The following FRMPD1 variants were observed in gnomAD, a reference collection of about 807,000 sequenced individuals.
The protein encoded by FRMPD1 is FERM and PDZ domain containing 1.
FRMPD1 carries 76 observed loss-of-function variants against 117.8 expected under a neutral mutation model. That is an observed-to-expected ratio of 0.65 (90% CI 0.54 to 0.78). The LOEUF is 0.78. Ranked by LOEUF, FRMPD1 falls within the 30% of genes least tolerant of loss-of-function variation. The pLI, the probability that FRMPD1 is intolerant of heterozygous loss-of-function variation, is 0.00. For missense variants in FRMPD1, 1,786 were observed against 1,964.5 expected (o/e 0.91, Z 1.72); for synonymous variants, 783 against 770.4 (o/e 1.02, Z -0.27).
chr9:37,708,538 A>G, intron 4 of FRMPD1, 37 bp downstream of exon 4: 2 of 1,164,628 alleles, frequency 1.7e-6, no homozygotes, highest in East Asian at 4.7e-5. Flanking sequence ...AGAATTGCAC[A>G]GATTATCAAA....
At chr9:37,709,855 A>G (rs1441567324) in intron 4 of FRMPD1, among the ~76,000 whole-genome samples, 1 of 152,208 alleles carries the variant, frequency 6.6e-6, no homozygotes, top group Non-Finnish European at 1.5e-5. Context: ...GAATGCCAGC[A>G]CAGCATGTTT....
At chr9:37,702,123 G>A (rs544116569) in intron 2 of FRMPD1, among the ~76,000 whole-genome samples, 2 of 152,272 alleles carry the variant, frequency 1.3e-5, no homozygotes, top group East Asian at 3.9e-4. Context: ...CAAACATAAA[G>A]GAAAATGACA....
At chr9:37,714,620 ATTTTG>A (rs145956121) in intron 5 of FRMPD1, among the ~76,000 whole-genome samples, 89,741 of 132,456 alleles carry the variant, frequency 0.68, 29,484 homozygotes, top group Admixed American at 0.73. Context: ...ATTTTATTTT[ATTTTG>A]TTTTGTTTTA....
intron 6 of FRMPD1, 128 bp from the exon 7 acceptor site, chr9:37,724,097 C>A: frequency 8.1e-5 from 37 of 458,718 alleles, no homozygotes; most frequent in East Asian, 1.0e-4. Flanking sequence ...GTCGCTTGAA[C>A]CTGGGAGTCA....
intron 1 of FRMPD1, among the ~76,000 whole-genome samples, chr9:37,651,565 C>G (rs1820676696): frequency 6.6e-6 from 1 of 152,250 alleles, no homozygotes; most frequent in Non-Finnish European, 1.5e-5. Flanking sequence ...TGTCTCAGCT[C>G]CAGAACTCAT....
chr9:37,611,406 C>T, the FRMPD1 span, among the ~76,000 whole-genome samples: 2 of 152,138 alleles, frequency 1.3e-5, no homozygotes, highest in Non-Finnish European at 2.9e-5. Flanking sequence ...AGAATCATTG[C>T]TTGCAGGAAG....
rs148898244 is a variant in FRMPD1, at chr9:37,746,634, T to C, written c.4602T>C (p.Phe1534=). 2.5e-6 allele frequency: 4 copies of C among 1,613,934 alleles called. No homozygotes were observed. The African/African-American group carries it at 5.3e-5, about 22-fold the overall frequency. Residue 1534 remains phenylalanine, a synonymous_variant, in exon 16 of 16, where the codon TTT becomes TTC. Transcript: ENST00000377765. ...ATGTGGTGTACACCTACCATCAGTT[T>C]ATAGAGGCTGCTAAATCGACCTGCG... ...LRDVVYTYHQ[F]IEAAKSTCER... is the part of the protein sequence containing the mutation.
rs550088847 is a variant in FRMPD1 at position 37,714,374 on chromosome 9, A to G, written c.408+2979A>G. On this transcript the variant is annotated intron_variant, in intron 5 of 15. Transcript: ENST00000377765. ...GAGCTGAATCCTTTAAATAATAAAA[A>G]GTATGGGAAGGTAAAAATTGGTATG... Among the ~76,000 whole-genome samples, 299 of 152,266 alleles carry G rather than the reference A, an allele frequency of 2.0e-3. 1 individual carries two copies. Among genetic ancestry groups the G allele is most frequent in the African/African-American group, 6.6e-3 (274 of 41,562 alleles).
chr9:37,722,615 G>A (rs1823446596), intron 6 of FRMPD1, among the ~76,000 whole-genome samples: 1 of 152,030 alleles, frequency 6.6e-6, no homozygotes, highest in African/African-American at 2.4e-5. Context: ...ACCATGTGTA[G>A]GCTTTATACC....
At chr9:37,706,026 A>G (rs1822693634) in intron 2 of FRMPD1, among the ~76,000 whole-genome samples, 1 of 151,814 alleles carries the variant, frequency 6.6e-6, no homozygotes, top group African/African-American at 2.4e-5. Flanking sequence ...AATCAGGAAG[A>G]GCTATGGGCT....
intron 1 of FRMPD1, among the ~76,000 whole-genome samples, chr9:37,662,483 A>C (rs934827737): frequency 6.6e-6 from 1 of 152,188 alleles, no homozygotes; most frequent in Non-Finnish European, 1.5e-5. Flanking sequence ...TAGTGTGGGG[A>C]CAAATAAGAA....
intron 1 of FRMPD1, among the ~76,000 whole-genome samples, chr9:37,664,445 C>G (rs1461556331): frequency 6.6e-6 from 1 of 152,114 alleles, no homozygotes; most frequent in Non-Finnish European, 1.5e-5. Context: ...CATGCATTAG[C>G]TATTTGTCCT....
intron 4 of FRMPD1, among the ~76,000 whole-genome samples, chr9:37,710,510 GGGC>G (rs936252723): frequency 1.3e-5 from 2 of 152,030 alleles, no homozygotes; most frequent in Non-Finnish European, 2.9e-5. Flanking sequence ...TTATATGATT[GGGC>G]TCATTACACC....
At chr9:37,722,152 G>C (rs886350695) in intron 6 of FRMPD1, among the ~76,000 whole-genome samples, 2 of 152,286 alleles carry the variant, frequency 1.3e-5, no homozygotes, top group Admixed American at 6.5e-5. Context: ...TCCTGATGTA[G>C]TGTGAAATGG....
At chr9:37,700,369 A>G (rs1822488590) in intron 2 of FRMPD1, among the ~76,000 whole-genome samples, 1 of 152,198 alleles carries the variant, frequency 6.6e-6, no homozygotes, top group African/African-American at 2.4e-5. Flanking sequence ...TCTGGTACAG[A>G]CTGATGCCTC....
At chr9:37,665,748 T>A (rs1215356649) in intron 1 of FRMPD1, among the ~76,000 whole-genome samples, 1 of 152,180 alleles carries the variant, frequency 6.6e-6, no homozygotes, top group Non-Finnish European at 1.5e-5. Context: ...AGAAGATCAC[T>A]TTCTACCTAA....
At chr9:37,715,281 A>G (rs926323000) in intron 5 of FRMPD1, among the ~76,000 whole-genome samples, 3 of 152,224 alleles carry the variant, frequency 2.0e-5, no homozygotes, top group African/African-American at 7.2e-5. Flanking sequence ...TTCCCCTTTT[A>G]CAGATGAGGA....
chr9:37,636,835 C>G, the FRMPD1 span: 2 of 1,612,078 alleles, frequency 1.2e-6, no homozygotes, highest in Non-Finnish European at 1.7e-6. Flanking sequence ...TGGTGGCATT[C>G]TTGGCACTCG....
At chr9:37,650,334 C>T (rs55945940), upstream of FRMPD1, among the ~76,000 whole-genome samples, 17,485 of 152,082 alleles carry the variant, frequency 0.11, 1,083 homozygotes, top group East Asian at 0.18. Flanking sequence ...CATTTTAGAG[C>T]TTCTGGTTTG....
Sources: allele counts gnomAD v4.1 joint callset (sites outside exome capture counted in the v4.1 genomes callset), GRCh38; gene constraint gnomAD v4.1.1; transcripts MANE v1.5; gene names NCBI Gene and HGNC (gene_info 2026-07-23, HGNC 2026-07-21).